Variants in PIK3C2G observed in about 807,000 individuals in gnomAD.
The protein encoded by PIK3C2G is phosphatidylinositol 3-kinase C2 domain-containing subunit gamma.
A neutral mutation model predicts 181.1 loss-of-function variants in PIK3C2G; 168 were observed. The ratio of observed to expected loss-of-function variants is 0.93; its 90% CI spans 0.82 to 1.05. The LOEUF is 1.05. Ranked by LOEUF, PIK3C2G falls within the 50% of genes least tolerant of loss-of-function variation. PIK3C2G has a pLI of 0.00. For synonymous variants in PIK3C2G, 573 were observed against 592.2 expected (o/e 0.97, Z 0.47); for missense variants, 1,869 against 1,732.8 (o/e 1.08, Z -1.40).
chr12:18,590,582 T>A (rs913297581), intron 29 of PIK3C2G, among the ~76,000 whole-genome samples: 1 of 151,830 alleles, frequency 6.6e-6, no homozygotes, highest in Non-Finnish European at 1.5e-5. Flanking sequence ...AACACCGGCA[T>A]AGGTTATTAA....
chr12:18,724,196 T>TA, the PIK3C2G span, among the ~76,000 whole-genome samples: 1 of 152,032 alleles, frequency 6.6e-6, no homozygotes, highest in Non-Finnish European at 1.5e-5. Flanking sequence ...TTGGAAGAGT[T>TA]AGAGAACTGC....
exon 1 of PIK3C2G, chr12:18,247,978 T>C (rs1948057748): frequency 6.6e-6 from 1 of 151,980 alleles, no homozygotes. Context: ...TTATTGAGAA[T>C]TGTTGAGAAG....
intron 16 of PIK3C2G, among the ~76,000 whole-genome samples, chr12:18,416,518 C>T (rs1363593100): frequency 6.6e-6 from 1 of 152,160 alleles, no homozygotes; most frequent in Non-Finnish European, 1.5e-5. Flanking sequence ...GACAAGCTGA[C>T]TCTCTTGTTA....
intron 5 of PIK3C2G, among the ~76,000 whole-genome samples, chr12:18,302,376 T>C (rs1002149091): frequency 6.6e-6 from 1 of 152,038 alleles, no homozygotes. Flanking sequence ...AATCCCTAAG[T>C]CCCCCAGTGG....
Position 18,567,269 on chromosome 12 carries a change from C to T in PIK3C2G, c.4011+212C>T, listed in dbSNP as rs532075395. On this transcript the variant is annotated intron_variant, in intron 29 of 32. Coordinates refer to ENST00000538779, the MANE Select transcript of PIK3C2G (RefSeq NM_001288772.2). Reference sequence around the variant, plus strand: ...TTCAAATTATCCAGGCATAGTGACACATGCCTGTAGTCCCAGCTATTCAGG... The same window carrying T: ...TTCAAATTATCCAGGCATAGTGACATATGCCTGTAGTCCCAGCTATTCAGG... Among the ~76,000 whole-genome samples, 26 of 152,048 alleles carry T rather than the reference C, an allele frequency of 1.7e-4. 1 individual carries two copies. In the East Asian group the frequency reaches 4.7e-3, roughly 27 times the overall value.
chr12:18,502,113 A>T (rs1941533348), intron 22 of PIK3C2G, among the ~76,000 whole-genome samples: 1 of 152,216 alleles, frequency 6.6e-6, no homozygotes, highest in Admixed American at 6.5e-5. Flanking sequence ...GTGTCTTGAT[A>T]CTATGGATAT....
chr12:18,544,841 T>C (rs1193731474), intron 25 of PIK3C2G, among the ~76,000 whole-genome samples: 1 of 151,850 alleles, frequency 6.6e-6, no homozygotes, highest in Non-Finnish European at 1.5e-5. Context: ...ATCTGTATTA[T>C]AGCATGTGCT....
intron 3 of PIK3C2G, among the ~76,000 whole-genome samples, chr12:18,289,817 T>G (rs1446320184): frequency 6.6e-6 from 1 of 152,176 alleles, no homozygotes; most frequent in Non-Finnish European, 1.5e-5. Context: ...ATTAGGTTTG[T>G]GCAAAATTAA....
intron 30 of PIK3C2G, among the ~76,000 whole-genome samples, chr12:18,598,834 G>A (rs916741336): frequency 1.6e-4 from 25 of 151,772 alleles, no homozygotes; most frequent in East Asian, 9.7e-4. Flanking sequence ...AAAAGTGGGC[G>A]AAGGACATGA....
chr12:18,705,348 C>G, the PIK3C2G span: 1 of 1,611,470 alleles, frequency 6.2e-7, no homozygotes, highest in African/African-American at 1.3e-5. Context: ...GGTTATTCAT[C>G]AAAACTTCTA....
intron 18 of PIK3C2G, among the ~76,000 whole-genome samples, chr12:18,445,947 C>G (rs918487549): frequency 1.3e-5 from 2 of 152,064 alleles, no homozygotes; most frequent in African/African-American, 4.8e-5. Flanking sequence ...AAAATGGGCA[C>G]AGAGAGAGGA....
chr12:18,649,299 C>T (rs556692499), downstream of PIK3C2G, among the ~76,000 whole-genome samples: 2 of 152,166 alleles, frequency 1.3e-5, no homozygotes, highest in East Asian at 1.9e-4. Flanking sequence ...TTCCATGTTC[C>T]ACCTCTCTGC....
At chr12:18,452,694 T>G (rs1311642538) in intron 18 of PIK3C2G, among the ~76,000 whole-genome samples, 1 of 152,204 alleles carries the variant, frequency 6.6e-6, no homozygotes, top group Non-Finnish European at 1.5e-5. Context: ...CTTTCTGATG[T>G]GGGCATTCAG....
intron 5 of PIK3C2G, among the ~76,000 whole-genome samples, chr12:18,298,379 T>C (rs1206910092): frequency 6.6e-6 from 1 of 150,752 alleles, no homozygotes; most frequent in Non-Finnish European, 1.5e-5. Flanking sequence ...GGATTATTTG[T>C]TTGTTCATTT....
At chr12:18,524,301 T>A (rs1262113503) in intron 24 of PIK3C2G, among the ~76,000 whole-genome samples, 1 of 152,134 alleles carries the variant, frequency 6.6e-6, no homozygotes, top group Admixed American at 6.6e-5. Flanking sequence ...AGAGAACCAT[T>A]TCTTTTACTG....
At chr12:18,493,451 C>T (rs150743883) in intron 20 of PIK3C2G, 1 of 152,444 alleles carries the variant, frequency 6.6e-6, no homozygotes, top group Non-Finnish European at 1.5e-5. Flanking sequence ...AATGTGTAGT[C>T]AGAACTCATG....
chr12:18,334,247 T>C (rs1938284657), intron 8 of PIK3C2G, among the ~76,000 whole-genome samples: 1 of 152,144 alleles, frequency 6.6e-6, no homozygotes, highest in Non-Finnish European at 1.5e-5. Context: ...AGCACCTTTC[T>C]ACTCAACAGG....
intron 31 of PIK3C2G, among the ~76,000 whole-genome samples, chr12:18,615,457 AT>A (rs1254604841): frequency 2.0e-5 from 3 of 148,152 alleles, no homozygotes; most frequent in Non-Finnish European, 3.0e-5. Context: ...TATATATATC[AT>A]TTTTTTTCAC....
At chr12:18,692,434 T>C in the PIK3C2G span, among the ~76,000 whole-genome samples, 2 of 152,162 alleles carry the variant, frequency 1.3e-5, no homozygotes, top group African/African-American at 4.8e-5. Context: ...ACTTAGGTTA[T>C]AGAGGAAAAA....
Sources: gnomAD v4.1 joint callset for allele counts (sites outside exome capture counted in the v4.1 genomes callset) on GRCh38, gnomAD v4.1.1 for gene constraint, MANE v1.5 for transcripts, NCBI Gene and HGNC (gene_info 2026-07-23, HGNC 2026-07-21) for gene names.